Variants in FARP1 observed in about 807,000 individuals in gnomAD.
FARP1 encodes the protein FERM, ARHGEF and pleckstrin domain-containing protein 1.
Under a neutral mutation model 128.8 loss-of-function variants are expected in FARP1, and 52 were observed. That is an observed-to-expected ratio of 0.40 (90% CI 0.32 to 0.51). The LOEUF is 0.51. Ranked by LOEUF, FARP1 falls within the 20% of genes least tolerant of loss-of-function variation. The probability of loss-of-function intolerance (pLI) is 0.45; values close to 1 mark genes in which losing one functional copy is unlikely to be tolerated. For missense variants in FARP1, 1,333 were observed against 1,367.9 expected (o/e 0.97, Z 0.40); for synonymous variants, 580 against 551.8 (o/e 1.05, Z -0.72).
chr13:98,420,252 G>C (rs1891545017), intron 16 of FARP1, among the ~76,000 whole-genome samples: 1 of 152,172 alleles, frequency 6.6e-6, no homozygotes, highest in African/African-American at 2.4e-5. Context: ...TGCGACGACA[G>C]CCCACAAAAG....
At chr13:98,185,325 A>T (rs1226227749) in intron 1 of FARP1, among the ~76,000 whole-genome samples, 3 of 152,220 alleles carry the variant, frequency 2.0e-5, no homozygotes, top group African/African-American at 4.8e-5. Context: ...GAATTTTTAG[A>T]AAGGGCTTAA....
At chr13:98,333,612 A>T (rs1330601658) in intron 2 of FARP1, 2 of 152,386 alleles carry the variant, frequency 1.3e-5, no homozygotes, top group East Asian at 3.9e-4. Context: ...GGAGTCGGGG[A>T]CTCTGAAACC....
intron 2 of FARP1, among the ~76,000 whole-genome samples, chr13:98,326,874 G>A (rs1227211617): frequency 6.6e-6 from 1 of 152,236 alleles, no homozygotes; most frequent in African/African-American, 2.4e-5. Context: ...TTTAGGGCAT[G>A]TATAATTTTT....
intron 1 of FARP1, among the ~76,000 whole-genome samples, chr13:98,149,000 C>T (rs547092826): frequency 8.5e-5 from 13 of 152,180 alleles, no homozygotes; most frequent in Non-Finnish European, 1.8e-4. Context: ...GATCCTCTCA[C>T]GTCGGCCTCC....
chr13:98,207,886 T>C (rs1880366772), intron 1 of FARP1, among the ~76,000 whole-genome samples: 1 of 138,810 alleles, frequency 7.2e-6, no homozygotes, highest in Non-Finnish European at 1.5e-5. Context: ...ATAATGAATA[T>C]ACTGCTCCCC....
chr13:98,317,816 G>A (rs1367703545), intron 2 of FARP1, among the ~76,000 whole-genome samples: 2 of 152,104 alleles, frequency 1.3e-5, no homozygotes, highest in South Asian at 2.1e-4. Context: ...GCAGAGGGCC[G>A]CCTCCTTGTA....
intron 13 of FARP1, chr13:98,405,101 T>C (rs778302618): frequency 6.6e-6 from 1 of 152,182 alleles, no homozygotes; most frequent in African/African-American, 2.4e-5. Context: ...TACCGGTACA[T>C]GGTTAACAGG....
intron 2 of FARP1, among the ~76,000 whole-genome samples, chr13:98,301,562 C>T (rs1449406201): frequency 2.6e-5 from 4 of 152,154 alleles, no homozygotes; most frequent in Non-Finnish European, 5.9e-5. Context: ...TTGTTTATGT[C>T]TTTCTACATT....
intron 10 of FARP1, 55 bp from the exon 11 acceptor site, chr13:98,390,757 T>A: frequency 1.5e-6 from 2 of 1,322,168 alleles, no homozygotes; most frequent in Non-Finnish European, 2.2e-6. Context: ...ATTTGTGTGT[T>A]TAAATGAGAA....
intron 13 of FARP1, among the ~76,000 whole-genome samples, chr13:98,408,027 G>T (rs762124320): frequency 3.3e-5 from 5 of 152,180 alleles, no homozygotes; most frequent in Non-Finnish European, 7.3e-5. Flanking sequence ...AAGTAGCAGC[G>T]AGCCTGAAAC....
At position 98,395,292 on chromosome 13, in the gene FARP1, GCGAGGAAAGGAAC is replaced by G. The variant is rs1452322555; in HGVS notation, c.1234_1246del (p.Gly412ArgfsTer59). ...AATCTCCAGGGGGCCAGAGCTGCCG[GCGAGGAAAGGAAC>G]CGAAGGTTTCCGCCGGGGAGCCGGG... On this transcript the variant is annotated frameshift_variant, in exon 13 of 27. Transcript: ENST00000319562. LOFTEE classifies it high-confidence loss of function. The G allele has an allele frequency of 6.2e-7, 1 of 1,609,308 alleles. No homozygotes were observed. Among genetic ancestry groups the G allele is most frequent in the African/African-American group, 1.3e-5 (1 of 75,010 alleles).
At chr13:98,157,029 T>A (rs1461225132) in intron 1 of FARP1, among the ~76,000 whole-genome samples, 1 of 152,220 alleles carries the variant, frequency 6.6e-6, no homozygotes, top group East Asian at 1.9e-4. Context: ...GAGACATTAT[T>A]GATGAGTTTA....
intron 1 of FARP1, among the ~76,000 whole-genome samples, chr13:98,183,165 C>T (rs1594242243): frequency 6.6e-6 from 1 of 152,094 alleles, no homozygotes; most frequent in African/African-American, 2.4e-5. Context: ...ATCTTTGTCC[C>T]TCTTGTTGTT....
At chr13:98,379,949 A>C (rs55828005) in intron 6 of FARP1, among the ~76,000 whole-genome samples, 38,157 of 152,102 alleles carry the variant, frequency 0.25, 4,806 homozygotes, top group South Asian at 0.36. Context: ...CTTTATCCTT[A>C]TTCACCTGCA....
intron 2 of FARP1, among the ~76,000 whole-genome samples, chr13:98,271,766 A>G (rs1251591547): frequency 6.6e-6 from 1 of 152,136 alleles, no homozygotes; most frequent in African/African-American, 2.4e-5. Flanking sequence ...GCTGCATAGT[A>G]TTTATGGTGT....
intron 1 of FARP1, chr13:98,204,081 AC>A (rs1327623302): frequency 3.3e-5 from 5 of 151,976 alleles, no homozygotes; most frequent in Non-Finnish European, 7.4e-5. Flanking sequence ...GGAAAGGAAC[AC>A]CCGCCTAGCC....
At chr13:98,221,354 A>G (rs1468673034) in intron 2 of FARP1, among the ~76,000 whole-genome samples, 1 of 152,190 alleles carries the variant, frequency 6.6e-6, no homozygotes, top group East Asian at 1.9e-4. Context: ...AAGAATAAAA[A>G]ATCATGTGCT....
intron 19 of FARP1, among the ~76,000 whole-genome samples, chr13:98,438,148 C>T (rs1280527912): frequency 3.3e-5 from 5 of 152,100 alleles, no homozygotes; most frequent in African/African-American, 1.2e-4. Flanking sequence ...CGATCCATGC[C>T]CTCAAGAGTG....
At chr13:98,421,054 T>G (rs1891574741) in intron 16 of FARP1, among the ~76,000 whole-genome samples, 1 of 152,146 alleles carries the variant, frequency 6.6e-6, no homozygotes, top group South Asian at 2.1e-4. Flanking sequence ...GTGTTTGCAG[T>G]GACTTTAGAG....
Sources: allele counts gnomAD v4.1 joint callset (sites outside exome capture counted in the v4.1 genomes callset), GRCh38; gene constraint gnomAD v4.1.1; transcripts MANE v1.5; gene names NCBI Gene and HGNC (gene_info 2026-07-23, HGNC 2026-07-21).